CIB4: variants seen among roughly 807,000 people sequenced by gnomAD.
CIB4 encodes calcium and integrin binding family member 4, also known as calcium and integrin-binding family member 4.
In CIB4, 25 loss-of-function variants were observed where a neutral mutation model predicts 25.8. That is an observed-to-expected ratio of 0.97 (90% CI 0.71 to 1.35). The LOEUF is 1.35. CIB4 is among the 40% of genes most tolerant of loss of function. The probability of loss-of-function intolerance (pLI) is 0.00; values close to 1 mark genes in which losing one functional copy is unlikely to be tolerated. For missense variants in CIB4, 235 were observed against 228.2 expected (o/e 1.03, Z -0.19); for synonymous variants, 75 against 81.4 (o/e 0.92, Z 0.42).
At chr2:26,632,555 G>A (rs1306765451) in intron 2 of CIB4, among the ~76,000 whole-genome samples, 2 of 152,046 alleles carry the variant, frequency 1.3e-5, no homozygotes, top group Admixed American at 6.6e-5. Context: ...TCAGGAGTTC[G>A]AGAGCAGCCT....
At chr2:26,613,969 C>T (rs1208313790) in intron 3 of CIB4, among the ~76,000 whole-genome samples, 4 of 152,204 alleles carry the variant, frequency 2.6e-5, no homozygotes, top group African/African-American at 9.6e-5. Context: ...CTGACACTAG[C>T]CATTCGGGCT....
chr2:26,602,518 T>C (rs1035609510), intron 3 of CIB4, among the ~76,000 whole-genome samples: 1 of 152,236 alleles, frequency 6.6e-6, no homozygotes, highest in Non-Finnish European at 1.5e-5. Flanking sequence ...GATATGGTAC[T>C]GGATTAGTCA....
chr2:26,583,996 C>A, intron 4 of CIB4, 98 bp from the exon 5 acceptor site: 1 of 739,080 alleles, frequency 1.4e-6, no homozygotes, highest in East Asian at 2.6e-5. Context: ...GCCAGGACCC[C>A]ACAGATGCCC....
intron 4 of CIB4, 152 bp from the exon 5 acceptor site, chr2:26,584,050 GGTC>G: frequency 1.6e-6 from 1 of 608,476 alleles, no homozygotes. Context: ...CTCCCAGGTG[GGTC>G]ACACGTATGT....
At chr2:26,639,553 G>A (rs1669597411) in intron 2 of CIB4, among the ~76,000 whole-genome samples, 1 of 152,002 alleles carries the variant, frequency 6.6e-6, no homozygotes, top group Non-Finnish European at 1.5e-5. Flanking sequence ...TGGGTAGTAG[G>A]ATATGGGTCA....
intron 4 of CIB4, among the ~76,000 whole-genome samples, chr2:26,590,245 G>A (rs1402966381): frequency 3.8e-5 from 4 of 105,096 alleles, no homozygotes; most frequent in Non-Finnish European, 7.1e-5. Context: ...TGGAGCTGGG[G>A]CCCAAGCATC....
chr2:26,582,972 G>T, intron 5 of CIB4, 59 bp from the exon 6 acceptor site: 1 of 1,194,502 alleles, frequency 8.4e-7, no homozygotes, highest in Non-Finnish European at 1.2e-6. Context: ...GTGAGGTGGG[G>T]CACAGGGTGG....
intron 4 of CIB4, 89 bp from the exon 5 acceptor site, chr2:26,583,987 C>T: frequency 1.2e-6 from 1 of 806,192 alleles, no homozygotes; most frequent in Non-Finnish European, 2.1e-6. Context: ...ACAGCACCAG[C>T]CAGGACCCCA....
At chr2:26,613,141 G>A (rs942079368) in intron 3 of CIB4, among the ~76,000 whole-genome samples, 5 of 152,116 alleles carry the variant, frequency 3.3e-5, no homozygotes, top group East Asian at 1.9e-4. Context: ...TTTTCCCACC[G>A]GAGCCTGATC....
At chr2:26,601,136 A>G (rs986200637) in intron 3 of CIB4, among the ~76,000 whole-genome samples, 4 of 150,946 alleles carry the variant, frequency 2.6e-5, no homozygotes, top group Non-Finnish European at 4.4e-5. Context: ...TACAAGGATC[A>G]ATGAGCCTAG....
rs886120883 is a variant in CIB4, at chr2:26,589,002, C to T, written c.329-5104G>A. 7.7e-3 allele frequency among the ~76,000 whole-genome samples: 126 copies of T among 16,328 alleles called. 3 individuals are homozygous for T. Among genetic ancestry groups the T allele is most frequent in the African/African-American group, 0.011 (59 of 5,428 alleles). The allele number at this position is 16,328 out of a possible 152,430, so 10.7% of individuals were successfully genotyped here. Reference sequence around the variant, plus strand: ...CTTTCTTCTTCTTCTTCTTCTTCTTCTTCTTCTTCTTCTTCTTCTTCTTCT... The same window carrying T: ...CTTTCTTCTTCTTCTTCTTCTTCTTTTTCTTCTTCTTCTTCTTCTTCTTCT... On this transcript the variant is annotated intron_variant, in intron 4 of 6. Coordinates refer to ENST00000288861, the MANE Select transcript of CIB4 (RefSeq NM_001029881.3).
At chr2:26,605,655 T>C (rs1174278536) in intron 3 of CIB4, 11 of 430,746 alleles carry the variant, frequency 2.6e-5, no homozygotes, top group Admixed American at 1.8e-4. Context: ...GTCAGCATCA[T>C]TCAGTCAGTT....
rs576094794 is a variant in CIB4, at chr2:26,620,005, C to T, written c.186+9405G>A. Among the ~76,000 whole-genome samples the T allele has an allele frequency of 2.7e-4, 41 of 150,628 alleles. 1 individual carries two copies. In the South Asian group the frequency reaches 8.2e-3, roughly 30 times the overall value. On this transcript the variant is annotated intron_variant, in intron 3 of 6. Transcript: ENST00000288861. The stretch of plus-strand genomic sequence containing the variant: ...GGCAACACCATCCTGATCTCCATCC[C>T]GGAATCCCCTACAGACTCTGCGACT...
At chr2:26,622,669 T>C (rs1669227997) in intron 3 of CIB4, among the ~76,000 whole-genome samples, 1 of 151,836 alleles carries the variant, frequency 6.6e-6, no homozygotes, top group Non-Finnish European at 1.5e-5. Context: ...CTGGCACACA[T>C]GAATAATTTT....
chr2:26,583,050 C>A, intron 5 of CIB4, 137 bp from the exon 6 acceptor site: 1 of 606,842 alleles, frequency 1.6e-6, no homozygotes. Context: ...CCCCTGACCC[C>A]AGTGACCCCA....
intron 3 of CIB4, among the ~76,000 whole-genome samples, chr2:26,599,141 C>T (rs972641448): frequency 6.6e-6 from 1 of 152,192 alleles, no homozygotes; most frequent in Non-Finnish European, 1.5e-5. Flanking sequence ...AAGGAAGTGA[C>T]AGTTGACAAA....
At chr2:26,607,959 C>T (rs898100574) in intron 3 of CIB4, among the ~76,000 whole-genome samples, 3 of 152,242 alleles carry the variant, frequency 2.0e-5, no homozygotes, top group Admixed American at 1.3e-4. Flanking sequence ...CAGCTCTGGC[C>T]GGGCGCGATG....
At chr2:26,617,849 C>T (rs981096985) in intron 3 of CIB4, among the ~76,000 whole-genome samples, 5 of 152,176 alleles carry the variant, frequency 3.3e-5, no homozygotes, top group Non-Finnish European at 7.4e-5. Flanking sequence ...TCAGGCAGCT[C>T]CTCATCAACG....
intron 2 of CIB4, among the ~76,000 whole-genome samples, chr2:26,639,474 A>AT (rs960413259): frequency 6.7e-5 from 10 of 150,042 alleles, no homozygotes; most frequent in Non-Finnish European, 1.2e-4. Context: ...GCCAGGTAGC[A>AT]TTTTTTTTTA....
Sources: gnomAD v4.1 joint callset for allele counts (sites outside exome capture counted in the v4.1 genomes callset) on GRCh38, gnomAD v4.1.1 for gene constraint, MANE v1.5 for transcripts, NCBI Gene and HGNC (gene_info 2026-07-23, HGNC 2026-07-21) for gene names.